Variants in RAB3GAP2 observed in about 807,000 individuals in gnomAD.
The protein encoded by RAB3GAP2 is rab3 GTPase-activating protein non-catalytic subunit.
A neutral mutation model predicts 185.3 loss-of-function variants in RAB3GAP2; 87 were observed. The observed-to-expected ratio is 0.47, with a 90% CI of 0.39 to 0.56. RAB3GAP2 has a LOEUF of 0.56. RAB3GAP2 is among the 20% of genes least tolerant of loss of function. RAB3GAP2 has a pLI of 0.00. For missense variants in RAB3GAP2, 1,492 were observed against 1,638.2 expected, an observed-to-expected ratio of 0.91 and a Z score of 1.54; for synonymous variants, 554 against 576.1, an observed-to-expected ratio of 0.96 and a Z score of 0.55.
At chr1:220,157,009 T>C (rs1293569500) in intron 31 of RAB3GAP2, among the ~76,000 whole-genome samples, 2 of 151,856 alleles carry the variant, frequency 1.3e-5, no homozygotes, top group African/African-American at 4.8e-5. Context: ...CCTAGAGATA[T>C]ATAAGAGGGA....
rs749444902 is a variant in RAB3GAP2, at chr1:220,210,844, A to G, written c.467T>C (p.Ile156Thr). Reference sequence around the variant, plus strand: ...ATAACCTGAAGTAAAACCCACCACAATGCAGGTCCAGTCAGGACGCCCAGT... The same window carrying G: ...ATAACCTGAAGTAAAACCCACCACAGTGCAGGTCCAGTCAGGACGCCCAGT... The part of the protein sequence containing the change: ...SSTGRPDWTC[I>T]VVGFTSGYVR... Residue 156 changes from isoleucine to threonine, a missense_variant, in exon 6 of 35, where the codon ATT becomes ACT. Transcript: ENST00000358951. The G allele has an allele frequency of 4.9e-5, 79 of 1,613,732 alleles. No individual in the cohort carries two copies. The Middle Eastern group carries it at 4.9e-4, about 10-fold the overall frequency.
chr1:220,256,651 A>C (rs1471035853), intron 1 of RAB3GAP2, among the ~76,000 whole-genome samples: 1 of 152,232 alleles, frequency 6.6e-6, no homozygotes, highest in Non-Finnish European at 1.5e-5. Flanking sequence ...TTAAAAAGAC[A>C]AAGAAGGGCA....
At chr1:220,198,790 C>G (rs911364216) in intron 9 of RAB3GAP2, among the ~76,000 whole-genome samples, 9 of 152,128 alleles carry the variant, frequency 5.9e-5, no homozygotes, top group African/African-American at 2.2e-4. Flanking sequence ...GAGGCCTTCC[C>G]ACACTTTGAA....
chr1:220,156,769 G>C (rs1182601063), intron 31 of RAB3GAP2, among the ~76,000 whole-genome samples: 2 of 152,172 alleles, frequency 1.3e-5, no homozygotes, highest in African/African-American at 2.4e-5. Flanking sequence ...GTAAGGAATT[G>C]GTGAGATAAC....
At position 220,162,284 on chromosome 1, in the gene RAB3GAP2, A is replaced by G. The variant is rs1217022112; in HGVS notation, c.3155-16T>C. The stretch of plus-strand genomic sequence containing the variant: ...AGTGCAATGCCTAGATAGCAAGTAA[A>G]AGTAGTAAATAGAATGCTTATATAG... On this transcript the variant is annotated splice_polypyrimidine_tract_variant and intron_variant, in intron 27 of 34. Coordinates refer to ENST00000358951, the MANE Select transcript of RAB3GAP2 (RefSeq NM_012414.4). 2.6e-6 allele frequency: 4 copies of G among 1,547,482 alleles called. No individual in the cohort carries two copies. Among genetic ancestry groups the G allele is most frequent in the South Asian group, 2.2e-5 (2 of 89,628 alleles).
chr1:220,159,323 TAAAGTACTACATA>T, intron 29 of RAB3GAP2, 50 bp downstream of exon 29: 1 of 1,342,446 alleles, frequency 7.4e-7, no homozygotes, highest in Middle Eastern at 1.8e-4. Flanking sequence ...ATACAGTTAA[TAAAGTACTACATA>T]AAAGTGTGGA....
chr1:220,249,457 T>C (rs759794595), intron 1 of RAB3GAP2, among the ~76,000 whole-genome samples: 1 of 152,178 alleles, frequency 6.6e-6, no homozygotes, highest in South Asian at 2.1e-4. Flanking sequence ...TAGTTTGGAA[T>C]GGGAACTTGT....
At chr1:220,180,365 T>C (rs1658378795) in intron 21 of RAB3GAP2, among the ~76,000 whole-genome samples, 1 of 151,936 alleles carries the variant, frequency 6.6e-6, no homozygotes, top group East Asian at 1.9e-4. Flanking sequence ...GTTGTTTTTA[T>C]TAAAAAAGAT....
chr1:220,218,447 G>T (rs1006323615), intron 2 of RAB3GAP2, among the ~76,000 whole-genome samples: 1 of 152,134 alleles, frequency 6.6e-6, no homozygotes, highest in Non-Finnish European at 1.5e-5. Flanking sequence ...TCTCAAGAAT[G>T]ATGCTAACTT....
At chr1:220,153,691 T>C in intron 32 of RAB3GAP2, 2 of 415,398 alleles carry the variant, frequency 4.8e-6, no homozygotes, top group Non-Finnish European at 8.8e-6. Context: ...CATGTTGGTG[T>C]GCTGCACCCC....
At chr1:220,163,744 C>CATACAAAT (rs775527991) in intron 27 of RAB3GAP2, among the ~76,000 whole-genome samples, 14 of 123,024 alleles carry the variant, frequency 1.1e-4, no homozygotes, top group Non-Finnish European at 2.0e-4. Context: ...TAAATACATA[C>CATACAAAT]ATATATATAT....
intron 1 of RAB3GAP2, chr1:220,267,829 G>T: frequency 8.1e-7 from 1 of 1,234,044 alleles, no homozygotes; most frequent in Non-Finnish European, 1.2e-6. Context: ...CAAGGAAATT[G>T]CTGAGTCACG....
chr1:220,202,397 A>G, intron 8 of RAB3GAP2, 23 bp from the exon 9 acceptor site: 1 of 1,594,778 alleles, frequency 6.3e-7, no homozygotes, highest in Non-Finnish European at 8.6e-7. Context: ...AAATAAGACA[A>G]TCCAAACTTA....
chr1:220,206,019 TAAAA>T lies in RAB3GAP2; in HGVS notation c.613-17_613-14del. The stretch of plus-strand genomic sequence containing the variant: ...TCAACTCTTCATTCTATTTAAGAAA[TAAAA>T]AAAAAAAGTTCTTGAATAGATAAAT... On this transcript the variant is annotated splice_polypyrimidine_tract_variant and intron_variant, in intron 7 of 34. Transcript: ENST00000358951. The T allele has an allele frequency of 1.6e-6, 2 of 1,227,896 alleles. No individual in the cohort carries two copies. The highest frequency in any genetic ancestry group is 2.2e-6 in the Non-Finnish European group (2 of 904,044). The allele number at this position is 1,227,896 out of a possible 1,614,324, so 76.1% of individuals were successfully genotyped here.
intron 24 of RAB3GAP2, 121 bp downstream of exon 24, chr1:220,170,771 T>G: frequency 1.2e-6 from 1 of 851,316 alleles, no homozygotes; most frequent in Non-Finnish European, 1.9e-6. Context: ...ATATAGAAGG[T>G]TATTGTTATT....
At chr1:220,179,093 A>G (rs1438970037) in intron 21 of RAB3GAP2, among the ~76,000 whole-genome samples, 4 of 152,120 alleles carry the variant, frequency 2.6e-5, no homozygotes, top group Admixed American at 6.5e-5. Context: ...AGCTGTACCT[A>G]TATCAGACAG....
intron 2 of RAB3GAP2, chr1:220,219,657 A>C (rs1181751605): frequency 6.6e-6 from 1 of 152,206 alleles, no homozygotes; most frequent in East Asian, 1.9e-4. Context: ...AAGAATAAAG[A>C]GTGTGAGTCC....
rs1368929343 is a variant in RAB3GAP2, at chr1:220,149,569, C to CTGT, written c.*1679_*1681dup. ...CTCTTAGAAAACATATAACAAGTGA[C>CTGT]TGTTAACACAGAGCCAGATATGTTT... On this transcript the variant is annotated 3_prime_UTR_variant, in exon 35 of 35. Transcript: ENST00000358951. The CTGT allele has an allele frequency of 6.6e-6, 1 of 152,148 alleles. No homozygotes were observed. The highest frequency in any genetic ancestry group is 2.1e-4 in the South Asian group (1 of 4,830). The allele number at this position is 152,148 out of a possible 1,614,324, so 9.4% of individuals were successfully genotyped here. A position where few individuals can be genotyped will look rare whatever the true frequency, so the allele number is the denominator to read the frequency against.
rs1384322069 is a variant in RAB3GAP2 at position 220,157,324 on chromosome 1, T to A, written c.3501A>T (p.Ala1167=). The change falls in exon 31 of 35, where the codon GCA becomes GCT. Residue 1167 remains alanine (A), a synonymous_variant. Coordinates refer to ENST00000358951, the MANE Select transcript of RAB3GAP2 (RefSeq NM_012414.4). ...HHSILCSILY[A]VMRFSLKTVK... ...CGGTCTTCAGAGAAAACCTCATGAC[T>A]GCATACAAGATGGAGCACAGGATGG... is the stretch of plus-strand genomic sequence containing the variant. The A allele has an allele frequency of 6.2e-7, 1 of 1,613,890 alleles. No homozygotes were observed. The highest frequency in any genetic ancestry group is 8.5e-7 in the Non-Finnish European group (1 of 1,179,988).
Sources: gnomAD v4.1 joint callset for allele counts (sites outside exome capture counted in the v4.1 genomes callset) on GRCh38, gnomAD v4.1.1 for gene constraint, MANE v1.5 for transcripts, NCBI Gene and HGNC (gene_info 2026-07-23, HGNC 2026-07-21) for gene names.